Variants in RUNX2 observed in about 807,000 individuals in gnomAD.
The protein encoded by RUNX2 is RUNX family transcription factor 2.
RUNX2 carries 10 observed loss-of-function variants against 51.7 expected under a neutral mutation model. The observed-to-expected ratio is 0.19, with a 90% CI of 0.12 to 0.33. The LOEUF is 0.33. Ranked by LOEUF, RUNX2 falls within the 10% of genes least tolerant of loss-of-function variation. The probability of loss-of-function intolerance (pLI) is 1.00; values close to 1 mark genes in which losing one functional copy is unlikely to be tolerated. For missense variants in RUNX2, 562 were observed against 691.3 expected (o/e 0.81, Z 2.10); for synonymous variants, 276 against 273.6 (o/e 1.01, Z -0.09).
rs181717459 is a variant in RUNX2 at position 45,487,842 on chromosome 6, A to G, written c.686-4099A>G. ...CTCATGAGACTTACAGTCTTACAGGAGAGACAAAAATAAATACACAAGATA... is the reference window on the plus strand; with the variant it reads ...CTCATGAGACTTACAGTCTTACAGGGGAGACAAAAATAAATACACAAGATA... On this transcript the variant is annotated intron_variant, in intron 5 of 8. Transcript: ENST00000647337. Among the ~76,000 whole-genome samples, 48 of 152,320 alleles carry G rather than the reference A, an allele frequency of 3.2e-4. 1 individual carries two copies. The highest frequency in any genetic ancestry group is 6.5e-4 in the Non-Finnish European group (44 of 68,028).
At chr6:45,456,359 T>A (rs1435086064) in intron 5 of RUNX2, among the ~76,000 whole-genome samples, 1 of 152,216 alleles carries the variant, frequency 6.6e-6, no homozygotes, top group Non-Finnish European at 1.5e-5. Flanking sequence ...TCCTGTTCGA[T>A]TAAAAATGAA....
chr6:45,435,649 C>A (rs924753798), intron 4 of RUNX2, among the ~76,000 whole-genome samples: 1 of 152,178 alleles, frequency 6.6e-6, no homozygotes, highest in Non-Finnish European at 1.5e-5. Flanking sequence ...TGAGCCACCG[C>A]GCCCAGCCGA....
At chr6:45,542,820 T>C (rs1473744485) in intron 7 of RUNX2, among the ~76,000 whole-genome samples, 2 of 152,250 alleles carry the variant, frequency 1.3e-5, no homozygotes, top group Admixed American at 6.5e-5. Flanking sequence ...GCATATCCTT[T>C]GTTAGAAGTC....
chr6:45,438,105 G>C (rs1358991934), intron 5 of RUNX2, 54 bp downstream of exon 5: 2 of 1,150,556 alleles, frequency 1.7e-6, no homozygotes, highest in African/African-American at 1.5e-5. Context: ...GAGACCCTAT[G>C]AGGAATTTAT....
intron 7 of RUNX2, among the ~76,000 whole-genome samples, chr6:45,522,052 G>T (rs1166787193): frequency 6.6e-6 from 1 of 152,126 alleles, no homozygotes; most frequent in South Asian, 2.1e-4. Flanking sequence ...TGCCTGTCTA[G>T]AACATTTTAG....
intron 6 of RUNX2, among the ~76,000 whole-genome samples, chr6:45,493,074 G>A (rs1800535773): frequency 6.6e-6 from 1 of 152,070 alleles, no homozygotes; most frequent in African/African-American, 2.4e-5. Flanking sequence ...AAACATAATT[G>A]TTTATAAGCA....
intron 4 of RUNX2, among the ~76,000 whole-genome samples, chr6:45,436,724 A>G (rs1798695615): frequency 5.3e-5 from 8 of 152,214 alleles, no homozygotes; most frequent in Admixed American, 5.2e-4. Flanking sequence ...CCTGTTCTCC[A>G]TTAAGCCTTG....
intron 7 of RUNX2, among the ~76,000 whole-genome samples, chr6:45,518,313 G>A (rs1044034342): frequency 3.3e-5 from 5 of 152,242 alleles, no homozygotes; most frequent in East Asian, 1.9e-4. Flanking sequence ...TGAATGTTCC[G>A]TATTCTTCAT....
chr6:45,363,940 C>A (rs1794698499), intron 2 of RUNX2, among the ~76,000 whole-genome samples: 1 of 151,712 alleles, frequency 6.6e-6, no homozygotes, highest in African/African-American at 2.4e-5. Flanking sequence ...CATGGCGAAA[C>A]CCTGTCTCTA....
intron 6 of RUNX2, among the ~76,000 whole-genome samples, chr6:45,492,810 G>C (rs1800523660): frequency 6.6e-6 from 1 of 152,084 alleles, no homozygotes; most frequent in Non-Finnish European, 1.5e-5. Flanking sequence ...TTTATTTAAA[G>C]ACTCGTTTGA....
chr6:45,355,018 A>G (rs1419522491), intron 2 of RUNX2, among the ~76,000 whole-genome samples: 2 of 152,182 alleles, frequency 1.3e-5, no homozygotes, highest in Non-Finnish European at 2.9e-5. Context: ...TCTGTCACCC[A>G]GGCTAAAGTG....
At chr6:45,529,974 G>A (rs374942093) in intron 7 of RUNX2, among the ~76,000 whole-genome samples, 13 of 152,152 alleles carry the variant, frequency 8.5e-5, no homozygotes, top group Admixed American at 2.6e-4. Flanking sequence ...GAAAATCACC[G>A]CACAGGTGGG....
intron 2 of RUNX2, among the ~76,000 whole-genome samples, chr6:45,373,332 A>AAG (rs1796347276): frequency 6.6e-6 from 1 of 152,194 alleles, no homozygotes; most frequent in Admixed American, 6.5e-5. Flanking sequence ...CAGTACAAAA[A>AAG]AGCCTCACAG....
chr6:45,534,125 C>T (rs1021871993), intron 7 of RUNX2, among the ~76,000 whole-genome samples: 3 of 151,970 alleles, frequency 2.0e-5, no homozygotes, highest in Non-Finnish European at 4.4e-5. Flanking sequence ...AAACTCCTGG[C>T]CTCAAGTGAT....
chr6:45,521,632 A>G (rs1268074017), intron 7 of RUNX2, among the ~76,000 whole-genome samples: 1 of 152,248 alleles, frequency 6.6e-6, no homozygotes, highest in African/African-American at 2.4e-5. Context: ...CAACAAAGCA[A>G]AAGATAGGGT....
At chr6:45,395,483 A>G (rs1249797404) in intron 2 of RUNX2, among the ~76,000 whole-genome samples, 5 of 152,196 alleles carry the variant, frequency 3.3e-5, no homozygotes, top group African/African-American at 1.2e-4. Context: ...TCTTCTATAA[A>G]ATGAGAGTAA....
chr6:45,418,408 C>T (rs1384084097), intron 2 of RUNX2, among the ~76,000 whole-genome samples: 1 of 152,016 alleles, frequency 6.6e-6, no homozygotes, highest in Admixed American at 6.6e-5. Context: ...CCAGAGTTGC[C>T]ACATTTTCAG....
intron 2 of RUNX2, among the ~76,000 whole-genome samples, chr6:45,370,325 T>C (rs984979195): frequency 2.0e-5 from 3 of 152,102 alleles, no homozygotes; most frequent in South Asian, 2.1e-4. Flanking sequence ...GATGACCGAA[T>C]TCTGGAGCCT....
intron 2 of RUNX2, among the ~76,000 whole-genome samples, chr6:45,364,990 C>T (rs1581932129): frequency 6.6e-6 from 1 of 152,272 alleles, no homozygotes; most frequent in African/African-American, 2.4e-5. Context: ...TGAACTAATA[C>T]TCATTTTTCA....
Sources: gnomAD v4.1 joint callset for allele counts (sites outside exome capture counted in the v4.1 genomes callset) on GRCh38, gnomAD v4.1.1 for gene constraint, MANE v1.5 for transcripts, NCBI Gene and HGNC (gene_info 2026-07-23, HGNC 2026-07-21) for gene names.